The following NKAIN1 variants were observed in gnomAD, a reference collection of about 807,000 sequenced individuals.
NKAIN1 encodes the protein sodium/potassium transporting ATPase interacting 1.
NKAIN1 carries 13 observed loss-of-function variants against 31.6 expected under a neutral mutation model. The observed-to-expected ratio is 0.41, with a 90% CI of 0.27 to 0.65. NKAIN1 has a LOEUF of 0.65. NKAIN1 is among the 30% of genes least tolerant of loss of function. The pLI, the probability that NKAIN1 is intolerant of heterozygous loss-of-function variation, is 0.30. For synonymous variants in NKAIN1, 104 were observed against 109.0 expected (o/e 0.95, Z 0.28); for missense variants, 193 against 262.2 (o/e 0.74, Z 1.82).
intron 1 of NKAIN1, among the ~76,000 whole-genome samples, chr1:31,212,496 C>T (rs1645477933): frequency 6.6e-6 from 1 of 151,844 alleles, no homozygotes; most frequent in African/African-American, 2.4e-5. Context: ...CCTCCACCTC[C>T]TAGGCTCAAG....
rs568289836 is a variant in NKAIN1 at position 31,202,522 on chromosome 1, A to G, written c.55-14335T>C. On this transcript the variant is annotated intron_variant, in intron 1 of 6. Coordinates refer to ENST00000373736, the MANE Select transcript of NKAIN1 (RefSeq NM_024522.3). ...GAAACCCCATCTCTACTAAAAACAC[A>G]AAAAACTAGCCGGGTGTGGTGGTGG... Among the ~76,000 whole-genome samples the G allele has an allele frequency of 2.6e-5, 4 of 151,224 alleles. No homozygotes were observed. In the South Asian group the frequency reaches 8.4e-4, roughly 32 times the overall value.
chr1:31,229,434 G>A (rs1416305035), intron 1 of NKAIN1, among the ~76,000 whole-genome samples: 1 of 152,162 alleles, frequency 6.6e-6, no homozygotes, highest in Admixed American at 6.5e-5. Context: ...TAGTGCAGTG[G>A]TACAATCATG....
Position 31,225,647 on chromosome 1 carries a change from T to C in NKAIN1, c.54+13847A>G, listed in dbSNP as rs531011704. 5.5e-4 allele frequency among the ~76,000 whole-genome samples: 83 copies of C among 151,372 alleles called. 1 individual carries two copies. Among genetic ancestry groups the C allele is most frequent in the Middle Eastern group, 3.4e-3 (1 of 294 alleles). On this transcript the variant is annotated intron_variant, in intron 1 of 6. Transcript: ENST00000373736. Reference sequence around the variant, plus strand: ...CTCACAGTCCATTTCTGGACTTCAGTTTTCCCAGCTACATTGTGTGAGGGT... The same window carrying C: ...CTCACAGTCCATTTCTGGACTTCAGCTTTCCCAGCTACATTGTGTGAGGGT...
chr1:31,212,414 T>C (rs1645477168), intron 1 of NKAIN1, among the ~76,000 whole-genome samples: 1 of 90,534 alleles, frequency 1.1e-5, no homozygotes, highest in Admixed American at 1.1e-4. Flanking sequence ...TTTTTTTTTT[T>C]TTTTTTAGGA....
At chr1:31,224,552 A>G (rs1287731825) in intron 1 of NKAIN1, among the ~76,000 whole-genome samples, 1 of 152,266 alleles carries the variant, frequency 6.6e-6, no homozygotes, top group African/African-American at 2.4e-5. Flanking sequence ...AGCTAGCTGT[A>G]CATACAAACA....
At chr1:31,205,843 G>A (rs571879820) in intron 1 of NKAIN1, among the ~76,000 whole-genome samples, 2 of 151,370 alleles carry the variant, frequency 1.3e-5, no homozygotes, top group African/African-American at 4.8e-5. Flanking sequence ...GGCTGGTCTC[G>A]AACTCCTGAC....
chr1:31,221,636 A>G (rs1557661120), intron 1 of NKAIN1, among the ~76,000 whole-genome samples: 23 of 152,058 alleles, frequency 1.5e-4, no homozygotes. Flanking sequence ...GGGTTTCACC[A>G]TGTTGGCCAA....
intron 1 of NKAIN1, among the ~76,000 whole-genome samples, chr1:31,219,871 G>T (rs962376778): frequency 1.6e-4 from 24 of 152,202 alleles, no homozygotes; most frequent in South Asian, 4.1e-4. Flanking sequence ...AGGGATGACA[G>T]TTTCTGCCTA....
At chr1:31,232,422 T>TAGAGAG (rs1645658712) in intron 1 of NKAIN1, among the ~76,000 whole-genome samples, 3 of 25,802 alleles carry the variant, frequency 1.2e-4, no homozygotes, top group Admixed American at 6.3e-4. Context: ...TATATATATA[T>TAGAGAG]ATAGAGAGAG....
intron 6 of NKAIN1, 44 bp from the exon 7 acceptor site, chr1:31,181,756 T>C (rs1374062617): frequency 1.3e-6 from 2 of 1,533,942 alleles, no homozygotes; most frequent in Non-Finnish European, 8.8e-7. Flanking sequence ...ATCCCAAAAG[T>C]ATGGGGGCGG....
intron 1 of NKAIN1, among the ~76,000 whole-genome samples, chr1:31,192,144 G>A (rs1336331686): frequency 6.6e-6 from 1 of 152,102 alleles, no homozygotes; most frequent in Non-Finnish European, 1.5e-5. Flanking sequence ...TTGGTAGGAA[G>A]GCCTCCCTGA....
At chr1:31,237,668 G>A (rs180749018) in intron 1 of NKAIN1, among the ~76,000 whole-genome samples, 2 of 151,960 alleles carry the variant, frequency 1.3e-5, no homozygotes, top group Non-Finnish European at 2.9e-5. Flanking sequence ...CCTAATTTTT[G>A]TATTTTCAGC....
At chr1:31,196,675 G>T (rs1010976733) in intron 1 of NKAIN1, among the ~76,000 whole-genome samples, 1 of 151,444 alleles carries the variant, frequency 6.6e-6, no homozygotes, top group African/African-American at 2.4e-5. Context: ...CAGCCTGGGC[G>T]ACAGAGTGAG....
At chr1:31,195,655 C>T (rs1645320779) in intron 1 of NKAIN1, among the ~76,000 whole-genome samples, 1 of 152,134 alleles carries the variant, frequency 6.6e-6, no homozygotes, top group Non-Finnish European at 1.5e-5. Context: ...GGTATAATGG[C>T]TCATGCCTGT....
chr1:31,184,474 TAAA>T (rs1645227495), intron 3 of NKAIN1, among the ~76,000 whole-genome samples: 1 of 152,130 alleles, frequency 6.6e-6, no homozygotes, highest in Admixed American at 6.5e-5. Context: ...ATTCAACAGA[TAAA>T]TACTCACTGC....
At chr1:31,209,928 A>G (rs1395024614) in intron 1 of NKAIN1, among the ~76,000 whole-genome samples, 1 of 151,456 alleles carries the variant, frequency 6.6e-6, no homozygotes, top group Non-Finnish European at 1.5e-5. Flanking sequence ...TCGAGGCTGC[A>G]GTGAGCTATT....
chr1:31,212,417 TTTTA>T (rs1645477206), intron 1 of NKAIN1, among the ~76,000 whole-genome samples: 3 of 96,872 alleles, frequency 3.1e-5, no homozygotes. Flanking sequence ...TTTTTTTTTT[TTTTA>T]GGAGACAAGG....
At chr1:31,230,012 GGTGCT>G (rs1453945081) in intron 1 of NKAIN1, among the ~76,000 whole-genome samples, 4 of 152,084 alleles carry the variant, frequency 2.6e-5, no homozygotes, top group Non-Finnish European at 5.9e-5. Context: ...CTATGAGGTG[GGTGCT>G]ATTATTATTC....
chr1:31,236,581 C>G (rs1471153305), intron 1 of NKAIN1, among the ~76,000 whole-genome samples: 1 of 152,078 alleles, frequency 6.6e-6, no homozygotes, highest in Admixed American at 6.6e-5. Context: ...ACTGGAGGGC[C>G]CACTCTGCAA....
Sources: allele counts gnomAD v4.1 joint callset (sites outside exome capture counted in the v4.1 genomes callset), GRCh38; gene constraint gnomAD v4.1.1; transcripts MANE v1.5; gene names NCBI Gene and HGNC (gene_info 2026-07-23, HGNC 2026-07-21).